The following SOX5 variants were observed in gnomAD, a reference collection of about 807,000 sequenced individuals.
The protein encoded by SOX5 is SRY-box transcription factor 5.
In SOX5, 9 loss-of-function variants were observed where a neutral mutation model predicts 92.0. The observed-to-expected ratio is 0.10, with a 90% CI of 0.06 to 0.17. SOX5 has a LOEUF of 0.17. SOX5 is among the 10% of genes least tolerant of loss of function. The pLI is 1.00. For synonymous variants in SOX5, 344 were observed against 336.3 expected (o/e 1.02, Z -0.25); for missense variants, 642 against 944.5 (o/e 0.68, Z 4.20).
intron 3 of SOX5, among the ~76,000 whole-genome samples, chr12:24,234,926 C>T (rs539749054): frequency 2.0e-5 from 3 of 152,230 alleles, no homozygotes; most frequent in African/African-American, 7.2e-5. Flanking sequence ...TGCGGCTAAA[C>T]ATCCTAAAAC....
intron 3 of SOX5, among the ~76,000 whole-genome samples, chr12:24,223,759 A>G (rs1961115340): frequency 6.6e-6 from 1 of 152,132 alleles, no homozygotes; most frequent in South Asian, 2.1e-4. Context: ...TATCTCAAAC[A>G]AAAACAAAAA....
chr12:24,235,925 C>T (rs888119297), intron 3 of SOX5, among the ~76,000 whole-genome samples: 2 of 152,154 alleles, frequency 1.3e-5, no homozygotes, highest in African/African-American at 4.8e-5. Context: ...TGTGGTGGCT[C>T]ACGCCTGTAA....
intron 2 of SOX5, among the ~76,000 whole-genome samples, chr12:23,854,471 T>A (rs530028033): frequency 3.0e-4 from 45 of 152,178 alleles, no homozygotes; most frequent in African/African-American, 1.0e-3. Flanking sequence ...TTGTATAATC[T>A]AGGGCAATTG....
intron 4 of SOX5, among the ~76,000 whole-genome samples, chr12:24,019,080 C>A (rs1040384461): frequency 1.3e-5 from 2 of 152,032 alleles, no homozygotes; most frequent in Non-Finnish European, 2.9e-5. Flanking sequence ...CACAAGCAAC[C>A]CTTCCCCTCC....
intron 4 of SOX5, among the ~76,000 whole-genome samples, chr12:24,174,461 T>G (rs1349576713): frequency 1.3e-5 from 2 of 152,110 alleles, no homozygotes; most frequent in Non-Finnish European, 2.9e-5. Context: ...GAGAACTCAG[T>G]GAGACCAAAC....
chr12:24,526,932 C>A (rs1047997476), intron 1 of SOX5, among the ~76,000 whole-genome samples: 1 of 151,900 alleles, frequency 6.6e-6, no homozygotes, highest in Non-Finnish European at 1.5e-5. Context: ...GATTATGCCA[C>A]CTCAGCCTCC....
chr12:23,629,901 A>G (rs2078314150), intron 8 of SOX5, among the ~76,000 whole-genome samples: 1 of 151,996 alleles, frequency 6.6e-6, no homozygotes, highest in Admixed American at 6.6e-5. Flanking sequence ...ATGGGTCTAT[A>G]AAAATAATTC....
At chr12:24,133,983 A>C (rs1002402633) in intron 4 of SOX5, among the ~76,000 whole-genome samples, 10 of 152,200 alleles carry the variant, frequency 6.6e-5, no homozygotes, top group Non-Finnish European at 1.3e-4. Flanking sequence ...ACTTTAGGGC[A>C]AATTAGCTTG....
intron 4 of SOX5, among the ~76,000 whole-genome samples, chr12:24,002,185 G>T (rs1245280180): frequency 1.3e-5 from 2 of 151,940 alleles, no homozygotes; most frequent in Non-Finnish European, 2.9e-5. Flanking sequence ...CAAGAAGAAG[G>T]CAGGAAATAA....
At chr12:23,858,111 T>C (rs1471055510) in intron 2 of SOX5, among the ~76,000 whole-genome samples, 1 of 152,074 alleles carries the variant, frequency 6.6e-6, no homozygotes, top group Non-Finnish European at 1.5e-5. Context: ...CAGGTACATA[T>C]ATGTGCACTT....
intron 4 of SOX5, among the ~76,000 whole-genome samples, chr12:24,016,999 T>C (rs944395512): frequency 2.6e-5 from 4 of 152,204 alleles, no homozygotes; most frequent in Admixed American, 6.5e-5. Flanking sequence ...CAATGTAATA[T>C]AGTCGGTGGA....
intron 2 of SOX5, among the ~76,000 whole-genome samples, chr12:24,364,105 A>G (rs865972900): frequency 6.6e-6 from 1 of 152,170 alleles, no homozygotes; most frequent in Non-Finnish European, 1.5e-5. Context: ...GAAGCTTTCA[A>G]GAGTCCTAAA....
At chr12:23,540,400 AAT>A (rs1555132121) in intron 13 of SOX5, among the ~76,000 whole-genome samples, 2 of 149,256 alleles carry the variant, frequency 1.3e-5, no homozygotes, top group Non-Finnish European at 3.0e-5. Flanking sequence ...TAATAATAAT[AAT>A]AAAAAGCAGA....
chr12:23,649,956 T>C (rs759568432), intron 7 of SOX5, among the ~76,000 whole-genome samples: 2 of 152,190 alleles, frequency 1.3e-5, no homozygotes, highest in Non-Finnish European at 1.5e-5. Context: ...GACAGTTTTA[T>C]GGCATTATCT....
chr12:24,289,594 C>A (rs1175374702), intron 2 of SOX5, among the ~76,000 whole-genome samples: 1 of 142,104 alleles, frequency 7.0e-6, no homozygotes, highest in Non-Finnish European at 1.5e-5. Flanking sequence ...GCTGGGACTA[C>A]AGGCGCCCGC....
intron 3 of SOX5, among the ~76,000 whole-genome samples, chr12:23,839,693 C>T (rs1348403881): frequency 1.3e-5 from 2 of 151,940 alleles, no homozygotes; most frequent in Non-Finnish European, 2.9e-5. Flanking sequence ...CATTTTAAAA[C>T]CATATCAACG....
chr12:24,253,221 A>G (rs16927355), intron 3 of SOX5, among the ~76,000 whole-genome samples: 2,890 of 151,790 alleles, frequency 0.019, 114 homozygotes, highest in African/African-American at 0.067. Context: ...TTAATATTTG[A>G]ATTCTTGTTC....
chr12:23,596,237 T>C lies in SOX5; in HGVS notation c.1164+8150A>G, dbSNP rs146866051. Reference sequence around the variant, plus strand: ...CTGTGTAGTCAGTATATCGTTCTCTTTCTGCTCTCCATTTCGTAATGTTTA... The same window carrying C: ...CTGTGTAGTCAGTATATCGTTCTCTCTCTGCTCTCCATTTCGTAATGTTTA... On this transcript the variant is annotated intron_variant, in intron 9 of 14. Transcript: ENST00000451604. Among the ~76,000 whole-genome samples the C allele has an allele frequency of 1.6e-4, 25 of 152,326 alleles. 1 individual carries two copies. The East Asian group carries it at 4.8e-3, about 29-fold the overall frequency.
At chr12:24,358,352 A>G (rs1177460791) in intron 2 of SOX5, among the ~76,000 whole-genome samples, 2 of 152,258 alleles carry the variant, frequency 1.3e-5, no homozygotes, top group East Asian at 1.9e-4. Context: ...CAATCCAATA[A>G]TCATTAGTGA....
Sources: allele counts gnomAD v4.1 joint callset (sites outside exome capture counted in the v4.1 genomes callset), GRCh38; gene constraint gnomAD v4.1.1; transcripts MANE v1.5; gene names NCBI Gene and HGNC (gene_info 2026-07-23, HGNC 2026-07-21).